Variants in CORIN observed in about 807,000 individuals in gnomAD.
CORIN encodes the protein atrial natriuretic peptide-converting enzyme.
CORIN carries 117 observed loss-of-function variants against 125.3 expected under a neutral mutation model. The ratio of observed to expected loss-of-function variants is 0.93; its 90% confidence interval spans 0.80 to 1.09. The LOEUF (loss-of-function observed/expected upper bound fraction) is 1.09, where lower values mean the gene tolerates loss of function less well. Ranked by LOEUF, CORIN falls within the 50% of genes least tolerant of loss-of-function variation. The pLI is 0.00. For synonymous variants in CORIN, 450 were observed against 466.4 expected, an observed-to-expected ratio of 0.96 and a Z score of 0.45; for missense variants, 1,253 against 1,306.7, an observed-to-expected ratio of 0.96 and a Z score of 0.63.
chr4:47,631,560 A>G (rs1321409295), intron 16 of CORIN, among the ~76,000 whole-genome samples: 1 of 152,082 alleles, frequency 6.6e-6, no homozygotes, highest in African/African-American at 2.4e-5. Flanking sequence ...CTGATTCAAC[A>G]TTATGGTGAG....
intron 5 of CORIN, among the ~76,000 whole-genome samples, chr4:47,722,704 C>T (rs1203828186): frequency 6.6e-6 from 1 of 152,114 alleles, no homozygotes; most frequent in Non-Finnish European, 1.5e-5. Flanking sequence ...TACCGAAATA[C>T]GTATCTTAAA....
chr4:47,738,194 G>C (rs1332278600), intron 5 of CORIN, among the ~76,000 whole-genome samples: 6 of 151,994 alleles, frequency 3.9e-5, no homozygotes, highest in African/African-American at 7.3e-5. Context: ...ACCTAAGAAG[G>C]ACCCAGAAAG....
At chr4:47,797,577 T>C (rs73135998) in intron 2 of CORIN, among the ~76,000 whole-genome samples, 1 of 152,106 alleles carries the variant, frequency 6.6e-6, no homozygotes, top group African/African-American at 2.4e-5. Context: ...ATGGGGTTAC[T>C]ATGACAACAG....
intron 2 of CORIN, among the ~76,000 whole-genome samples, chr4:47,793,496 A>G (rs950571744): frequency 2.0e-5 from 3 of 152,188 alleles, no homozygotes; most frequent in African/African-American, 7.2e-5. Flanking sequence ...CAGAGGTGAC[A>G]ATATGAAGGC....
At chr4:47,713,503 G>A (rs1726943107) in intron 5 of CORIN, among the ~76,000 whole-genome samples, 1 of 152,184 alleles carries the variant, frequency 6.6e-6, no homozygotes, top group Non-Finnish European at 1.5e-5. Context: ...GAAATGTAGT[G>A]TGTTAATTTT....
chr4:47,684,085 C>T (rs1314286749), intron 6 of CORIN, among the ~76,000 whole-genome samples: 2 of 152,154 alleles, frequency 1.3e-5, no homozygotes, highest in African/African-American at 4.8e-5. Context: ...TATTTTATGT[C>T]ACCTGAACGA....
chr4:47,807,970 A>C (rs1287670190), intron 1 of CORIN, among the ~76,000 whole-genome samples: 2 of 152,198 alleles, frequency 1.3e-5, no homozygotes, highest in East Asian at 3.8e-4. Context: ...AACTTGAACT[A>C]TAACCTCAGT....
chr4:47,768,546 C>G (rs562948492), intron 3 of CORIN, among the ~76,000 whole-genome samples: 1 of 152,198 alleles, frequency 6.6e-6, no homozygotes, highest in Non-Finnish European at 1.5e-5. Context: ...ACCTTAATAA[C>G]TTTGATGAAT....
intron 11 of CORIN, among the ~76,000 whole-genome samples, chr4:47,664,829 C>T (rs1187472136): frequency 1.3e-5 from 2 of 152,218 alleles, no homozygotes; most frequent in Non-Finnish European, 2.9e-5. Context: ...TCACAGCTCC[C>T]TTGTTTGGTA....
intron 5 of CORIN, among the ~76,000 whole-genome samples, chr4:47,717,639 CT>C (rs1273899073): frequency 2.6e-5 from 4 of 152,146 alleles, no homozygotes; most frequent in Admixed American, 6.6e-5. Context: ...GCTATTTGCT[CT>C]GTACAAAAGA....
chr4:47,693,445 G>GTAAAA (rs1437877192), intron 5 of CORIN, among the ~76,000 whole-genome samples: 1 of 152,128 alleles, frequency 6.6e-6, no homozygotes, highest in Non-Finnish European at 1.5e-5. Flanking sequence ...TTATGTCCAA[G>GTAAAA]TAAAGTGCTA....
At chr4:47,804,247 A>T (rs1222377454) in intron 2 of CORIN, among the ~76,000 whole-genome samples, 1 of 152,200 alleles carries the variant, frequency 6.6e-6, no homozygotes, top group Admixed American at 6.5e-5. Context: ...AGCATTGTAC[A>T]CTGTTGATGG....
At chr4:47,822,969 A>T (rs1406043217) in intron 1 of CORIN, among the ~76,000 whole-genome samples, 1 of 151,978 alleles carries the variant, frequency 6.6e-6, no homozygotes, top group Non-Finnish European at 1.5e-5. Flanking sequence ...GCGCGTGCCA[A>T]CATGCCCGGC....
At chr4:47,687,630 G>C (rs796292121) in intron 6 of CORIN, among the ~76,000 whole-genome samples, 2 of 152,128 alleles carry the variant, frequency 1.3e-5, no homozygotes, top group South Asian at 4.1e-4. Context: ...TTTCTCAAAG[G>C]CTTCTTTCAA....
chr4:47,828,739 A>T (rs7672090), intron 1 of CORIN, among the ~76,000 whole-genome samples: 124,276 of 152,136 alleles, frequency 0.82, 50,981 homozygotes, highest in East Asian at 0.98. Flanking sequence ...ACCATCTCAC[A>T]CCATATAACC....
chr4:47,677,530 G>T (rs768411126), intron 9 of CORIN, among the ~76,000 whole-genome samples: 1 of 152,140 alleles, frequency 6.6e-6, no homozygotes, highest in South Asian at 2.1e-4. Flanking sequence ...GTATTGCTCG[G>T]TAATAAGAGG....
rs1490430695 is a variant in CORIN, at chr4:47,665,039, G to A, written c.1582C>T (p.Pro528Ser). Residue 528 changes from proline (P) to serine (S), a missense_variant, in exon 11 of 22, where the codon CCT (proline) becomes TCT (serine). Pro to Ser is a moderately conservative substitution (Grantham distance 74, BLOSUM62 -1). Coordinates refer to ENST00000273857, the MANE Select transcript of CORIN (RefSeq NM_006587.4). Reference sequence around the variant, plus strand: ...TAGATCCCATCATATTACCTGCAAGGAGGGATATGCTCGCCTGTATTCACA... The same window carrying A: ...TAGATCCCATCATATTACCTGCAAGAAGGGATATGCTCGCCTGTATTCACA... The part of the protein sequence containing the change: ...CDVNTGEHIP[P>S]CRALCEHSKE... 6.2e-7 allele frequency: 1 copy of A among 1,600,466 alleles called. No individual in the cohort carries two copies. Among genetic ancestry groups the A allele is most frequent in the African/African-American group, 1.3e-5 (1 of 74,630 alleles).
intron 2 of CORIN, among the ~76,000 whole-genome samples, chr4:47,803,328 C>T (rs1025479319): frequency 6.6e-6 from 1 of 152,160 alleles, no homozygotes; most frequent in African/African-American, 2.4e-5. Flanking sequence ...ATACCAAAGA[C>T]ATTCTTCATA....
chr4:47,824,737 G>C (rs1347072950), intron 1 of CORIN, among the ~76,000 whole-genome samples: 1 of 152,200 alleles, frequency 6.6e-6, no homozygotes, highest in East Asian at 1.9e-4. Context: ...TTAGAGCTGT[G>C]TATCCAAGTC....
Sources: gnomAD v4.1 joint callset for allele counts (sites outside exome capture counted in the v4.1 genomes callset) on GRCh38, gnomAD v4.1.1 for gene constraint, MANE v1.5 for transcripts, NCBI Gene and HGNC (gene_info 2026-07-23, HGNC 2026-07-21) for gene names.